The following CTNNA2 variants were observed in gnomAD, a reference collection of about 807,000 sequenced individuals.
CTNNA2 encodes catenin alpha-2.
CTNNA2 carries 42 observed loss-of-function variants against 101.0 expected under a neutral mutation model. That is an observed-to-expected ratio of 0.42 (90% CI 0.32 to 0.54). The LOEUF is 0.54. Among genes scored for constraint, CTNNA2 ranks in the 20% least tolerant of loss-of-function variants. The pLI is 0.14. For missense variants in CTNNA2, 871 were observed against 1,223.1 expected, an observed-to-expected ratio of 0.71 and a Z score of 4.29; for synonymous variants, 450 against 456.4, an observed-to-expected ratio of 0.99 and a Z score of 0.18.
intron 7 of CTNNA2, among the ~76,000 whole-genome samples, chr2:80,358,559 C>G (rs1674076384): frequency 1.3e-5 from 2 of 151,890 alleles, no homozygotes; most frequent in Non-Finnish European, 2.9e-5. Flanking sequence ...CCATGTTGAC[C>G]AGGCTGGTTT....
chr2:80,448,341 G>A (rs60700403), intron 9 of CTNNA2, among the ~76,000 whole-genome samples: 9 of 152,198 alleles, frequency 5.9e-5, no homozygotes, highest in Non-Finnish European at 1.2e-4. Flanking sequence ...TTCACTCTTA[G>A]CGACAATCTC....
At chr2:79,929,965 G>T (rs546478365) in intron 7 of CTNNA2, among the ~76,000 whole-genome samples, 2 of 152,164 alleles carry the variant, frequency 1.3e-5, no homozygotes, top group East Asian at 3.9e-4. Context: ...GGCCAGCCGT[G>T]GTGGCAAATG....
At chr2:79,553,805 G>C (rs995401951) in intron 1 of CTNNA2, among the ~76,000 whole-genome samples, 3 of 152,112 alleles carry the variant, frequency 2.0e-5, no homozygotes, top group African/African-American at 4.8e-5. Flanking sequence ...TTTGGGTGGG[G>C]ACACAAATAC....
chr2:80,094,483 A>C (rs1284837439), intron 7 of CTNNA2, among the ~76,000 whole-genome samples: 1 of 152,206 alleles, frequency 6.6e-6, no homozygotes, highest in Admixed American at 6.5e-5. Context: ...TGACTTGGCA[A>C]TGCGGGCTCT....
Position 79,519,288 on chromosome 2 carries a change from T to C in CTNNA2, c.-6+6081T>C, listed in dbSNP as rs1034339896. ...ATAAATCTGTGTCTAAATTCATCTC[T>C]CTACTGCACTTATGCCTTTCATGTA... On this transcript the variant is annotated intron_variant, in intron 1 of 18. Transcript: ENST00000402739. Among the ~76,000 whole-genome samples the C allele has an allele frequency of 2.6e-5, 4 of 151,696 alleles. No individual in the cohort carries two copies. In the South Asian group the frequency reaches 8.3e-4, roughly 32 times the overall value.
intron 6 of CTNNA2, among the ~76,000 whole-genome samples, chr2:79,893,832 T>C (rs913788088): frequency 1.3e-5 from 2 of 152,146 alleles, no homozygotes; most frequent in African/African-American, 4.8e-5. Flanking sequence ...CAAATAATAG[T>C]TTTTTAGACT....
chr2:79,636,269 C>CAAA (rs57739991), intron 1 of CTNNA2, among the ~76,000 whole-genome samples: 47 of 67,232 alleles, frequency 7.0e-4, no homozygotes, highest in Non-Finnish European at 1.1e-3. Flanking sequence ...GACTCTGTCT[C>CAAA]AAAAAAAAAA....
chr2:79,345,108 TAAAA>T (rs5832381), intron 3 of CTNNA2, among the ~76,000 whole-genome samples: 5 of 147,076 alleles, frequency 3.4e-5, no homozygotes, highest in East Asian at 2.0e-4. Context: ...TGTTTTTTTT[TAAAA>T]AAAAAAGCAA....
chr2:80,151,329 T>C (rs1016319607), intron 7 of CTNNA2, among the ~76,000 whole-genome samples: 11 of 152,224 alleles, frequency 7.2e-5, no homozygotes, highest in Admixed American at 7.2e-4. Flanking sequence ...CCCAAGTGAA[T>C]AGGCACAGTT....
intron 2 of CTNNA2, among the ~76,000 whole-genome samples, chr2:79,721,292 C>T (rs1686471924): frequency 6.6e-6 from 1 of 152,126 alleles, no homozygotes; most frequent in East Asian, 1.9e-4. Context: ...GATAGAAGAT[C>T]TGGCATCTGG....
intron 9 of CTNNA2, among the ~76,000 whole-genome samples, chr2:80,521,736 CT>C (rs1261627795): frequency 6.6e-6 from 1 of 152,264 alleles, no homozygotes; most frequent in Admixed American, 6.5e-5. Flanking sequence ...GAATATAGCA[CT>C]GCTGACACCT....
chr2:79,444,764 A>C (rs553726180), intron 4 of CTNNA2, among the ~76,000 whole-genome samples: 2 of 152,194 alleles, frequency 1.3e-5, no homozygotes, highest in Non-Finnish European at 2.9e-5. Context: ...GAGGAGCATC[A>C]ATGTCTCTGC....
At chr2:79,721,267 TTCTG>T (rs1232997119) in intron 2 of CTNNA2, among the ~76,000 whole-genome samples, 1 of 152,146 alleles carries the variant, frequency 6.6e-6, no homozygotes. Flanking sequence ...CTTACACTTC[TTCTG>T]GGAAGTCCAA....
chr2:80,375,690 A>G (rs538292515), intron 7 of CTNNA2, among the ~76,000 whole-genome samples: 36 of 147,864 alleles, frequency 2.4e-4, no homozygotes, highest in African/African-American at 6.3e-4. Context: ...TCAGCCTCCC[A>G]AGTAGCTGGG....
intron 7 of CTNNA2, among the ~76,000 whole-genome samples, chr2:80,344,614 A>G (rs542997196): frequency 4.3e-4 from 66 of 152,236 alleles, no homozygotes; most frequent in Middle Eastern, 3.4e-3. Context: ...CATCCCAAGT[A>G]GCTGAGACCA....
At chr2:80,553,237 A>AT (rs201089662) in intron 11 of CTNNA2, among the ~76,000 whole-genome samples, 3,462 of 147,494 alleles carry the variant, frequency 0.023, 87 homozygotes, top group East Asian at 0.096. Context: ...AAAAAAAATA[A>AT]AATAAAATAA....
chr2:79,725,862 A>C (rs564746674), intron 2 of CTNNA2, among the ~76,000 whole-genome samples: 1 of 152,262 alleles, frequency 6.6e-6, no homozygotes, highest in Non-Finnish European at 1.5e-5. Flanking sequence ...TCCAGGAGGA[A>C]GTAATTGAAA....
intron 14 of CTNNA2, among the ~76,000 whole-genome samples, chr2:80,585,074 T>C (rs1177285951): frequency 2.0e-5 from 3 of 152,168 alleles, no homozygotes; most frequent in Non-Finnish European, 2.9e-5. Flanking sequence ...TTGTTATTTA[T>C]AAACATTCTT....
intron 3 of CTNNA2, among the ~76,000 whole-genome samples, chr2:79,848,714 A>G (rs1376970862): frequency 6.6e-6 from 1 of 152,204 alleles, no homozygotes; most frequent in Non-Finnish European, 1.5e-5. Flanking sequence ...CATACTGAAC[A>G]TATCTTGATA....
Sources: gnomAD v4.1 joint callset for allele counts (sites outside exome capture counted in the v4.1 genomes callset) on GRCh38, gnomAD v4.1.1 for gene constraint, MANE v1.5 for transcripts, NCBI Gene and HGNC (gene_info 2026-07-23, HGNC 2026-07-21) for gene names.